ARSB: variants seen among roughly 807,000 people sequenced by gnomAD.
ARSB encodes the protein N-acetylgalactosamine-4-sulfatase.
Under a neutral mutation model 50.9 loss-of-function variants are expected in ARSB, and 41 were observed. That is an observed-to-expected ratio of 0.81 (90% CI 0.63 to 1.04). The LOEUF is 1.04. Among genes scored for constraint, ARSB ranks in the 50% least tolerant of loss-of-function variants. ARSB has a pLI of 0.00. For synonymous variants in ARSB, 269 were observed against 284.8 expected, an observed-to-expected ratio of 0.94 and a Z score of 0.56; for missense variants, 672 against 693.3, an observed-to-expected ratio of 0.97 and a Z score of 0.35.
At chr5:78,941,509 CA>C (rs1750921283) in intron 4 of ARSB, among the ~76,000 whole-genome samples, 1 of 152,140 alleles carries the variant, frequency 6.6e-6, no homozygotes, top group Non-Finnish European at 1.5e-5. Context: ...TGAATTTTGT[CA>C]AAGGCCTTTT....
intron 5 of ARSB, among the ~76,000 whole-genome samples, chr5:78,861,419 C>CA (rs1330540613): frequency 3.3e-5 from 5 of 152,314 alleles, no homozygotes; most frequent in South Asian, 2.1e-4. Context: ...CCACCAAGAT[C>CA]AAGTTGGCTT....
chr5:78,945,266 G>C (rs1266836203), intron 4 of ARSB, among the ~76,000 whole-genome samples: 1 of 152,148 alleles, frequency 6.6e-6, no homozygotes, highest in East Asian at 1.9e-4. Context: ...CTCAGGCTCA[G>C]TGCACCACAC....
intron 6 of ARSB, among the ~76,000 whole-genome samples, chr5:78,811,350 C>T (rs1743799482): frequency 6.6e-6 from 1 of 152,174 alleles, no homozygotes; most frequent in Admixed American, 6.5e-5. Flanking sequence ...AGAGAAGCTG[C>T]TTCCCTCATT....
At chr5:78,910,600 T>C (rs1462207193) in intron 4 of ARSB, among the ~76,000 whole-genome samples, 2 of 152,142 alleles carry the variant, frequency 1.3e-5, no homozygotes, top group Non-Finnish European at 2.9e-5. Context: ...TGAAAACTTC[T>C]AAAGGATAAA....
intron 3 of ARSB, among the ~76,000 whole-genome samples, chr5:78,962,355 A>G (rs1391998277): frequency 6.6e-6 from 1 of 152,168 alleles, no homozygotes; most frequent in African/African-American, 2.4e-5. Flanking sequence ...TTTAGATTTA[A>G]ATTTAAAATC....
intron 4 of ARSB, among the ~76,000 whole-genome samples, chr5:78,937,913 G>C (rs75242929): frequency 0.011 from 1,620 of 152,178 alleles, 35 homozygotes; most frequent in African/African-American, 0.037. Flanking sequence ...CATTTCCAGG[G>C]TCACAGAGAA....
chr5:78,964,083 T>C (rs1752110305), intron 3 of ARSB, among the ~76,000 whole-genome samples: 1 of 152,182 alleles, frequency 6.6e-6, no homozygotes, highest in South Asian at 2.1e-4. Context: ...CCAAAATTTT[T>C]AAACTATATT....
At position 78,839,399 on chromosome 5, in the gene ARSB, C is replaced by G; in HGVS notation, c.1170G>C (p.Glu390Asp). The stretch of plus-strand genomic sequence containing the variant: ...AGTTCGGGTCAATATTATGCAGCAG[C>G]TCAATTCTGGGGGATGGGCTTCCTT... ...ISEGSPSPRI[E>D]LLHNIDPNFV... Residue 390 changes from glutamate to aspartate, a missense_variant, in exon 6 of 8, where the codon GAG becomes GAC. Physicochemically the swap from Glu to Asp is conservative, Grantham distance 45 (BLOSUM62 2). Coordinates refer to ENST00000264914, the MANE Select transcript of ARSB (RefSeq NM_000046.5). 2.5e-6 allele frequency: 4 copies of G among 1,613,792 alleles called. No homozygotes were observed. Among genetic ancestry groups the G allele is most frequent in the Non-Finnish European group, 3.4e-6 (4 of 1,179,824 alleles).
intron 1 of ARSB, among the ~76,000 whole-genome samples, chr5:78,983,122 C>T (rs1251752174): frequency 6.6e-6 from 1 of 152,104 alleles, no homozygotes; most frequent in African/African-American, 2.4e-5. Flanking sequence ...GGTGCGATCT[C>T]GGCTCACTGC....
At chr5:78,858,792 T>C (rs1746280970) in intron 5 of ARSB, among the ~76,000 whole-genome samples, 3 of 152,220 alleles carry the variant, frequency 2.0e-5, no homozygotes, top group Admixed American at 2.0e-4. Context: ...AGCACCATCA[T>C]CCTTGTTATC....
intron 5 of ARSB, among the ~76,000 whole-genome samples, chr5:78,872,223 G>A (rs910671061): frequency 1.2e-3 from 174 of 151,206 alleles, no homozygotes; most frequent in African/African-American, 3.8e-3. Context: ...TGGTGGGACT[G>A]TAAACTAGTT....
chr5:78,984,897 G>A, intron 1 of ARSB, 40 bp downstream of exon 1: 2 of 1,277,184 alleles, frequency 1.6e-6, no homozygotes, highest in Middle Eastern at 3.0e-4. Context: ...CCGGCGAAAG[G>A]CGGGGCGGGG....
chr5:78,824,510 C>A (rs547040000), intron 6 of ARSB, among the ~76,000 whole-genome samples: 2 of 152,286 alleles, frequency 1.3e-5, no homozygotes, highest in African/African-American at 4.8e-5. Context: ...CCCAGCCTGA[C>A]TGAATCAGGT....
intron 6 of ARSB, among the ~76,000 whole-genome samples, chr5:78,784,398 A>C (rs566741550): frequency 3.3e-5 from 5 of 152,252 alleles, no homozygotes; most frequent in Non-Finnish European, 7.3e-5. Context: ...TATTTATAAT[A>C]GTCAAGATAT....
At chr5:78,845,638 A>G (rs1745412987) in intron 5 of ARSB, among the ~76,000 whole-genome samples, 1 of 152,106 alleles carries the variant, frequency 6.6e-6, no homozygotes, top group African/African-American at 2.4e-5. Flanking sequence ...AGTGATGTTG[A>G]GCATTTTTAA....
chr5:78,866,759 T>A (rs12519881), intron 5 of ARSB, among the ~76,000 whole-genome samples: 35,001 of 152,112 alleles, frequency 0.23, 4,819 homozygotes, highest in Admixed American at 0.31. Context: ...GGTTCCATTA[T>A]AATAACACAG....
chr5:78,942,518 T>C (rs1160665662), intron 4 of ARSB, among the ~76,000 whole-genome samples: 1 of 152,234 alleles, frequency 6.6e-6, no homozygotes, highest in Non-Finnish European at 1.5e-5. Flanking sequence ...ACATCTTTAT[T>C]TCTGCCTTCA....
At chr5:78,824,383 C>T (rs992658956) in intron 6 of ARSB, among the ~76,000 whole-genome samples, 1 of 152,114 alleles carries the variant, frequency 6.6e-6, no homozygotes, top group African/African-American at 2.4e-5. Context: ...AAAGATTGAG[C>T]TTCAAATTGG....
At chr5:78,983,644 G>T (rs1753015029) in intron 1 of ARSB, among the ~76,000 whole-genome samples, 1 of 152,174 alleles carries the variant, frequency 6.6e-6, no homozygotes, top group African/African-American at 2.4e-5. Flanking sequence ...TAAGGTGGAT[G>T]GTGAAGGGAA....
Sources: allele counts gnomAD v4.1 joint callset (sites outside exome capture counted in the v4.1 genomes callset), GRCh38; gene constraint gnomAD v4.1.1; transcripts MANE v1.5; gene names NCBI Gene and HGNC (gene_info 2026-07-23, HGNC 2026-07-21).